Variants in LMNA observed in about 807,000 individuals in gnomAD.
LMNA encodes the protein lamin.
Under a neutral mutation model 70.4 loss-of-function variants are expected in LMNA, and 20 were observed. The ratio of observed to expected loss-of-function variants is 0.28; its 90% CI spans 0.20 to 0.41. The LOEUF (loss-of-function observed/expected upper bound fraction) is 0.41. LMNA is among the 10% of genes least tolerant of loss of function. LMNA has a pLI of 1.00. For missense variants in LMNA, 652 were observed against 917.2 expected, an observed-to-expected ratio of 0.71 and a Z score of 3.73; for synonymous variants, 339 against 372.8, an observed-to-expected ratio of 0.91 and a Z score of 1.04.
Position 156,136,391 on chromosome 1 carries a change from G to A in LMNA, c.1335G>A (p.Val445=). 6.2e-7 allele frequency: 1 copy of A among 1,609,326 alleles called. No individual in the cohort carries two copies. The highest frequency in any genetic ancestry group is 1.1e-5 in the South Asian group (1 of 90,682). The change falls in exon 7 of 12, where the codon GTG becomes GTA. Residue 445 remains valine (V), a synonymous_variant. Transcript: ENST00000368300. The surrounding 1 kb of genome is among the most constrained non-coding windows in gnomAD (Gnocchi z 6.1). ...GCGGGCGCGTGGCCGTGGAGGAGGT[G>A]GATGAGGAGGGCAAGTTTGTCCGGC... ...RTSGRVAVEE[V]DEEGKFVRLR...
At chr1:156,126,911 C>A in intron 1 of LMNA, 1 of 1,601,148 alleles carries the variant, frequency 6.2e-7, no homozygotes, top group Non-Finnish European at 8.5e-7. Flanking sequence ...GCCAGGGTCT[C>A]CCCTGTGAGC....
Position 156,136,508 on chromosome 1 carries a change from T to A in LMNA, c.1380+72T>A. 7.0e-7 allele frequency: 1 copy of A among 1,426,136 alleles called. No homozygotes were observed. The highest frequency in any genetic ancestry group is 9.6e-7 in the Non-Finnish European group (1 of 1,043,020). The allele number at this position is 1,426,136 out of a possible 1,614,324, so 88.3% of individuals were successfully genotyped here. On this transcript the variant is annotated intron_variant, in intron 7 of 11. Coordinates refer to ENST00000368300, the MANE Select transcript of LMNA (RefSeq NM_170707.4). The surrounding 1 kb of genome is among the most constrained non-coding windows in gnomAD (Gnocchi z 6.1). The stretch of plus-strand genomic sequence containing the variant: ...AGAGTGGCAAGACAGAAGGATGGCA[T>A]GTGGAGAGAGGAACATCCTTGCCCT...
At position 156,135,967 on chromosome 1, in the gene LMNA, C is replaced by T. The variant is rs386134243; in HGVS notation, c.1003C>T (p.Arg335Trp). 6.2e-7 allele frequency: 1 copy of T among 1,613,920 alleles called. No individual in the cohort carries two copies. Among genetic ancestry groups the T allele is most frequent in the Non-Finnish European group, 8.5e-7 (1 of 1,180,030 alleles). The change falls in exon 6 of 12, where the codon CGG (arginine) becomes TGG (tryptophan). Residue 335 changes from arginine (R) to tryptophan (W), a missense_variant. Physicochemically the swap from Arg to Trp is moderately radical, Grantham distance 101. Coordinates refer to ENST00000368300, the MANE Select transcript of LMNA (RefSeq NM_170707.4). The surrounding 1 kb of genome is among the most constrained non-coding windows in gnomAD (Gnocchi z 4.8). ...ACTGGCCCGTGAGCGGGACACCAGC[C>T]GGCGGCTGCTGGCGGAAAAGGAGCG... ...DSLARERDTSRRLLAEKEREM... is the reference protein window; with the variant it reads ...DSLARERDTSWRLLAEKEREM...
intron 3 of LMNA, among the ~76,000 whole-genome samples, chr1:156,092,313 G>A (rs1157189760): frequency 6.6e-6 from 1 of 152,096 alleles, no homozygotes; most frequent in Non-Finnish European, 1.5e-5. Flanking sequence ...TGAGTTCAAG[G>A]TTACAGTGAG....
chr1:156,130,460 AG>A (rs756736482), intron 1 of LMNA, among the ~76,000 whole-genome samples, 156 bp from the exon 2 acceptor site: 13 of 152,212 alleles, frequency 8.5e-5, no homozygotes, highest in Non-Finnish European at 1.8e-4. Context: ...CCAGCCCCAG[AG>A]GCAAGCAGAT....
intron 3 of LMNA, among the ~76,000 whole-genome samples, chr1:156,104,020 C>T (rs1345018564): frequency 6.6e-6 from 1 of 152,226 alleles, no homozygotes; most frequent in Non-Finnish European, 1.5e-5. Flanking sequence ...CCCTTCACAG[C>T]CCCCACTGAA....
exon 1 of LMNA, chr1:156,082,633 G>A (rs1648300064): frequency 6.6e-6 from 1 of 152,268 alleles, no homozygotes; most frequent in Non-Finnish European, 1.5e-5. Flanking sequence ...TCGCAGCTCC[G>A]GGGCAAGCTA....
chr1:156,122,659 G>GT (rs1650272220), intron 1 of LMNA, among the ~76,000 whole-genome samples: 1 of 152,238 alleles, frequency 6.6e-6, no homozygotes, highest in South Asian at 2.1e-4. Flanking sequence ...AGGAACGGGA[G>GT]ATGCGGCACA....
upstream of LMNA, among the ~76,000 whole-genome samples, chr1:156,112,713 C>A (rs1440576174): frequency 2.0e-5 from 3 of 152,194 alleles, no homozygotes; most frequent in African/African-American, 7.2e-5. Context: ...GGCACCCTCA[C>A]TGAGATGAGA....
chr1:156,100,401 G>A (rs1649102504), intron 3 of LMNA, among the ~76,000 whole-genome samples: 1 of 152,196 alleles, frequency 6.6e-6, no homozygotes. Context: ...CATCAGACAA[G>A]TTAGGTCATA....
Position 156,138,852 on chromosome 1 carries a change from T to A in LMNA, c.1968+95T>A. On this transcript the variant is annotated intron_variant, in intron 11 of 11. Transcript: ENST00000368300. This position sits in a 1 kb window ranked among gnomAD's most constrained non-coding sequence, Gnocchi z 5.5. ...GGCCTTGCAGGGGGGAGAGCCTGCCTTCTCTTCCGCAGCCCGGGGGAGTGG... is the reference window on the plus strand; with the variant it reads ...GGCCTTGCAGGGGGGAGAGCCTGCCATCTCTTCCGCAGCCCGGGGGAGTGG... The A allele has an allele frequency of 6.6e-7, 1 of 1,513,374 alleles. No individual in the cohort carries two copies. The highest frequency in any genetic ancestry group is 2.3e-5 in the East Asian group (1 of 43,662). The allele number at this position is 1,513,374 out of a possible 1,614,324, so 93.7% of individuals were successfully genotyped here. A position where few individuals can be genotyped will look rare whatever the true frequency, so the allele number is the denominator to read the frequency against.
chr1:156,132,825 C>T (rs1406616880), intron 2 of LMNA, among the ~76,000 whole-genome samples: 1 of 143,156 alleles, frequency 7.0e-6, no homozygotes, highest in East Asian at 2.2e-4. Flanking sequence ...ATGTTCTCCT[C>T]TCTCTCTCTC....
chr1:156,096,248 C>T (rs1648932597), intron 3 of LMNA, among the ~76,000 whole-genome samples: 2 of 152,226 alleles, frequency 1.3e-5, no homozygotes, highest in South Asian at 4.1e-4. Context: ...CTTGCTTCTC[C>T]CTTTCTGACT....
At chr1:156,094,253 G>A (rs969047927) in intron 3 of LMNA, among the ~76,000 whole-genome samples, 1 of 152,152 alleles carries the variant, frequency 6.6e-6, no homozygotes, top group African/African-American at 2.4e-5. Flanking sequence ...CTAGGGCTTT[G>A]CACACACTGT....
At chr1:156,122,598 G>A (rs949666179) in intron 1 of LMNA, among the ~76,000 whole-genome samples, 6 of 152,200 alleles carry the variant, frequency 3.9e-5, no homozygotes, top group African/African-American at 9.7e-5. Context: ...AGGGCAACTC[G>A]TTTTCGATGC....
chr1:156,095,345 TTTA>T (rs1050192552), intron 3 of LMNA, among the ~76,000 whole-genome samples: 2 of 152,098 alleles, frequency 1.3e-5, no homozygotes, highest in African/African-American at 4.8e-5. Flanking sequence ...TCAATAAAAA[TTTA>T]TTGAGTAAAT....
At chr1:156,096,788 A>AGGT in intron 3 of LMNA, among the ~76,000 whole-genome samples, 1 of 152,370 alleles carries the variant, frequency 6.6e-6, no homozygotes, top group African/African-American at 2.4e-5. Context: ...CTGGGCCAGC[A>AGGT]GGTGGCGCCA....
chr1:156,093,356 G>T (rs1006158793), intron 3 of LMNA, among the ~76,000 whole-genome samples: 4 of 136,104 alleles, frequency 2.9e-5, no homozygotes, highest in African/African-American at 5.7e-5. Context: ...ACCCAGGCTA[G>T]AGTGCAGTGG....
intron 1 of LMNA, among the ~76,000 whole-genome samples, chr1:156,117,685 C>G (rs555800977): frequency 6.6e-6 from 1 of 152,320 alleles, no homozygotes; most frequent in South Asian, 2.1e-4. Context: ...GGCACCACCA[C>G]CCACAGCTAA....
Sources: gnomAD v4.1 joint callset for allele counts (sites outside exome capture counted in the v4.1 genomes callset) on GRCh38, gnomAD v4.1.1 for gene constraint, Gnocchi (gnomAD v3.1) non-coding constraint, MANE v1.5 for transcripts, NCBI Gene and HGNC (gene_info 2026-07-23, HGNC 2026-07-21) for gene names.